ZNRF3: variants seen among roughly 807,000 people sequenced by gnomAD.
ZNRF3 encodes the protein zinc and ring finger 3, also known as E3 ubiquitin-protein ligase ZNRF3.
In ZNRF3, 23 loss-of-function variants were observed where a neutral mutation model predicts 72.5. That is an observed-to-expected ratio of 0.32 (90% CI 0.23 to 0.45). The LOEUF (loss-of-function observed/expected upper bound fraction) is 0.45, where lower values mean the gene tolerates loss of function less well. ZNRF3 is among the 20% of genes least tolerant of loss of function. The pLI is 1.00. For missense variants in ZNRF3, 1,169 were observed against 1,272.1 expected (o/e 0.92, Z 1.23); for synonymous variants, 610 against 545.3 (o/e 1.12, Z -1.65).
At chr22:28,922,252 G>T (rs2034524570) in intron 1 of ZNRF3, among the ~76,000 whole-genome samples, 1 of 152,184 alleles carries the variant, frequency 6.6e-6, no homozygotes, top group African/African-American at 2.4e-5. Flanking sequence ...TTACTTGAAT[G>T]AATCAGGGAA....
intron 1 of ZNRF3, among the ~76,000 whole-genome samples, chr22:28,926,187 A>T (rs1235055417): frequency 1.3e-5 from 2 of 152,328 alleles, no homozygotes; most frequent in East Asian, 3.9e-4. Context: ...CCTTGTGGCT[A>T]CAGTGAGCAT....
chr22:28,978,837 C>T (rs1032929203), intron 1 of ZNRF3, among the ~76,000 whole-genome samples: 8 of 152,182 alleles, frequency 5.3e-5, no homozygotes, highest in African/African-American at 1.9e-4. Flanking sequence ...TTATTGACCT[C>T]CTCCTGTAGA....
chr22:28,891,572 A>G (rs951980195), intron 1 of ZNRF3, among the ~76,000 whole-genome samples: 1 of 152,234 alleles, frequency 6.6e-6, no homozygotes, highest in African/African-American at 2.4e-5. Context: ...CAGAGAGGTA[A>G]AGTCACTTGT....
intron 2 of ZNRF3, 105 bp from the exon 3 acceptor site, chr22:29,042,390 G>A (rs1371627583): frequency 2.3e-6 from 2 of 861,464 alleles, no homozygotes; most frequent in Non-Finnish European, 3.7e-6. Flanking sequence ...ACCTAAGTTG[G>A]TAACTGTCAG....
chr22:28,917,106 C>A (rs1172553285), intron 1 of ZNRF3, among the ~76,000 whole-genome samples: 1 of 152,170 alleles, frequency 6.6e-6, no homozygotes, highest in Admixed American at 6.5e-5. Flanking sequence ...CTGCCTGCCA[C>A]TGTGTGATTG....
chr22:28,890,328 GTC>G (rs893748714), intron 1 of ZNRF3, among the ~76,000 whole-genome samples: 1 of 152,100 alleles, frequency 6.6e-6, no homozygotes, highest in African/African-American at 2.4e-5. Flanking sequence ...GTGAAACCCT[GTC>G]TCTACCAAAA....
At chr22:28,975,909 A>G (rs2035664490) in intron 1 of ZNRF3, among the ~76,000 whole-genome samples, 1 of 152,204 alleles carries the variant, frequency 6.6e-6, no homozygotes, top group South Asian at 2.1e-4. Context: ...AGTTGGGTTT[A>G]GAGCTGGTTT....
chr22:28,903,593 C>G (rs530982870), intron 1 of ZNRF3, among the ~76,000 whole-genome samples: 1 of 152,202 alleles, frequency 6.6e-6, no homozygotes, highest in East Asian at 1.9e-4. Flanking sequence ...ATCCTGAACC[C>G]CTCCTCCAGC....
At chr22:29,020,788 T>A (rs929989048) in intron 2 of ZNRF3, among the ~76,000 whole-genome samples, 1 of 141,020 alleles carries the variant, frequency 7.1e-6, no homozygotes, top group South Asian at 2.6e-4. Flanking sequence ...TGTGTGTGTG[T>A]GTGTGTGTGT....
intron 1 of ZNRF3, among the ~76,000 whole-genome samples, chr22:28,886,645 TC>T (rs2033792733): frequency 1.3e-5 from 2 of 152,186 alleles, no homozygotes; most frequent in African/African-American, 4.8e-5. Context: ...TTTCAAAACT[TC>T]CTTTTATTTA....
intron 2 of ZNRF3, among the ~76,000 whole-genome samples, chr22:29,035,382 C>T (rs1224150704): frequency 6.6e-6 from 1 of 152,150 alleles, no homozygotes; most frequent in Non-Finnish European, 1.5e-5. Flanking sequence ...TAGAAATCTG[C>T]TACGTGCCTC....
chr22:28,992,790 A>C (rs1341367533), intron 2 of ZNRF3: 2 of 152,236 alleles, frequency 1.3e-5, no homozygotes, highest in African/African-American at 4.8e-5. Flanking sequence ...GTTCAGCTGG[A>C]AGAAACTCAT....
chr22:29,023,157 T>C (rs2036568891), intron 2 of ZNRF3, among the ~76,000 whole-genome samples: 2 of 152,234 alleles, frequency 1.3e-5, no homozygotes, highest in Non-Finnish European at 2.9e-5. Context: ...TAATAGATCC[T>C]GATTAAAGTT....
chr22:28,894,348 T>TTTC (rs1569236664), intron 1 of ZNRF3, among the ~76,000 whole-genome samples: 1 of 151,836 alleles, frequency 6.6e-6, no homozygotes, highest in African/African-American at 2.4e-5. Flanking sequence ...CTTTTTTTTT[T>TTTC]TTTTTGTCTG....
At chr22:29,018,881 C>A (rs1431672077) in intron 2 of ZNRF3, among the ~76,000 whole-genome samples, 2 of 151,624 alleles carry the variant, frequency 1.3e-5, no homozygotes, top group Non-Finnish European at 2.9e-5. Context: ...AAACAACAGT[C>A]ATTTTCATTG....
chr22:28,987,027 C>T, intron 1 of ZNRF3, 49 bp from the exon 2 acceptor site: 1 of 1,581,560 alleles, frequency 6.3e-7, no homozygotes, highest in Non-Finnish European at 8.6e-7. Flanking sequence ...ATGAGTCAAG[C>T]AAATGTGTAG....
chr22:28,923,904 G>A (rs1408268751), intron 1 of ZNRF3, among the ~76,000 whole-genome samples: 1 of 152,234 alleles, frequency 6.6e-6, no homozygotes, highest in Non-Finnish European at 1.5e-5. Context: ...AGTGGGGTGG[G>A]GGACCGAGCG....
At chr22:29,046,926 G>A in intron 6 of ZNRF3, 43 bp downstream of exon 6, 1 of 1,459,758 alleles carries the variant, frequency 6.9e-7, no homozygotes, top group Non-Finnish European at 9.1e-7. Context: ...GAAAACATAG[G>A]CAGGTCAGCA....
intron 1 of ZNRF3, among the ~76,000 whole-genome samples, chr22:28,944,634 A>T (rs953047720): frequency 1.1e-4 from 16 of 151,994 alleles, no homozygotes; most frequent in Non-Finnish European, 2.4e-4. Flanking sequence ...GCACGCCTGT[A>T]GTCCCAGCTA....
Sources: allele counts gnomAD v4.1 joint callset (sites outside exome capture counted in the v4.1 genomes callset), GRCh38; gene constraint gnomAD v4.1.1; transcripts MANE v1.5; gene names NCBI Gene and HGNC (gene_info 2026-07-23, HGNC 2026-07-21).